Variants in POLE observed in about 807,000 individuals in gnomAD.
POLE encodes DNA polymerase epsilon, catalytic subunit.
A neutral mutation model predicts 279.2 loss-of-function variants in POLE; 188 were observed. The ratio of observed to expected loss-of-function variants is 0.67; its 90% CI spans 0.60 to 0.76. POLE has a LOEUF of 0.76. Ranked by LOEUF, POLE falls within the 30% of genes least tolerant of loss-of-function variation. POLE has a pLI of 0.00. For missense variants in POLE, 2,703 were observed against 3,016.7 expected (o/e 0.90, Z 2.44); for synonymous variants, 1,214 against 1,172.5 (o/e 1.04, Z -0.72).
chr12:132,631,434 A>C (rs921628750), intron 45 of POLE, among the ~76,000 whole-genome samples: 8 of 152,222 alleles, frequency 5.3e-5, no homozygotes, highest in African/African-American at 1.9e-4. Context: ...CCTTAATAAA[A>C]ATGAATTTAA....
At chr12:132,630,839 T>G (rs184754836) in intron 45 of POLE, among the ~76,000 whole-genome samples, 2 of 152,156 alleles carry the variant, frequency 1.3e-5, no homozygotes, top group African/African-American at 4.8e-5. Flanking sequence ...CAAGTCCTGG[T>G]GAGGATGTGG....
chr12:132,678,923 C>T (rs1371461197), intron 6 of POLE, among the ~76,000 whole-genome samples: 1 of 152,194 alleles, frequency 6.6e-6, no homozygotes, highest in African/African-American at 2.4e-5. Context: ...CCAGGGAAGG[C>T]GGACTCCGGG....
intron 45 of POLE, among the ~76,000 whole-genome samples, chr12:132,628,720 ACTCTTTAT>A (rs2041882662): frequency 6.6e-6 from 1 of 152,016 alleles, no homozygotes; most frequent in African/African-American, 2.4e-5. Context: ...ATGAAAAGCC[ACTCTTTAT>A]CTGTTAAATT....
At position 132,664,694 on chromosome 12, in the gene POLE, T is replaced by C. The variant is rs780199748; in HGVS notation, c.2469-232A>G. 1.2e-4 allele frequency among the ~76,000 whole-genome samples: 19 copies of C among 152,190 alleles called. No individual in the cohort carries two copies. Among genetic ancestry groups the C allele is most frequent in the Non-Finnish European group, 2.6e-4 (18 of 68,026 alleles). Reference sequence around the variant, plus strand: ...TCTGGAAGGGTGCAGTATGTGCCACTGCGTCCAGCCGTTCAGGACTCCAGC... The same window carrying C: ...TCTGGAAGGGTGCAGTATGTGCCACCGCGTCCAGCCGTTCAGGACTCCAGC... On this transcript the variant is annotated intron_variant, in intron 21 of 48. Transcript: ENST00000320574. This position sits in a 1 kb window ranked among gnomAD's most constrained non-coding sequence, Gnocchi z 5.3.
In POLE at chr12:132,673,233, G is replaced by T; in HGVS notation, c.1404C>A (p.Tyr468Ter). 6.2e-7 allele frequency: 1 copy of T among 1,613,750 alleles called. No individual in the cohort carries two copies. The highest frequency in any genetic ancestry group is 1.1e-5 in the South Asian group (1 of 91,078). The change falls in exon 14 of 49, where the codon TAC (tyrosine) becomes TAA (stop). Residue 468 changes from tyrosine to a stop codon, truncating the protein, a stop_gained. Coordinates refer to ENST00000320574, the MANE Select transcript of POLE (RefSeq NM_006231.4). LOFTEE classifies it high-confidence loss of function. ...YSVSDAVATY[Y>*]LYMKYVHPFI... ...ATGGGTGGACGTACTTCATGTACAG[G>T]TAGTAAGTGGCGACAGCATCTGACA...
chr12:132,673,443 A>G, intron 13 of POLE, 132 bp downstream of exon 13: 3 of 1,351,180 alleles, frequency 2.2e-6, no homozygotes, highest in Non-Finnish European at 3.1e-6. Context: ...TGCTGGGTGG[A>G]GCGGGCTGGC....
chr12:132,639,286 G>A lies in POLE; in HGVS notation c.5391C>T (p.Ser1797=). The A allele has an allele frequency of 6.2e-7, 1 of 1,613,904 alleles. No individual in the cohort carries two copies. The highest frequency in any genetic ancestry group is 8.5e-7 in the Non-Finnish European group (1 of 1,179,860). The change falls in exon 40 of 49, where the codon AGC becomes AGT. Residue 1797 remains serine (S), a synonymous_variant. Coordinates refer to ENST00000320574, the MANE Select transcript of POLE (RefSeq NM_006231.4). The surrounding 1 kb of genome is among the most constrained non-coding windows in gnomAD (Gnocchi z 4.7). ...LCSNTFRILK[S]MVVGWVKEIT... is the part of the protein sequence containing the mutation. ...TCTCCTTCACCCAGCCCACGACCAT[G>A]CTCTTCAGGATCCTGAAAGAGAAGG...
intron 46 of POLE, 168 bp from the exon 47 acceptor site, chr12:132,625,938 A>T: frequency 8.9e-7 from 1 of 1,128,810 alleles, no homozygotes; most frequent in Non-Finnish European, 1.3e-6. Flanking sequence ...AGCCCTTCCT[A>T]GGACAACATT....
rs2042100594 is a variant in POLE at position 132,639,575 on chromosome 12, C to T, written c.5379-277G>A. 6.6e-6 allele frequency among the ~76,000 whole-genome samples: 1 copy of T among 151,982 alleles called. No individual in the cohort carries two copies. Among genetic ancestry groups the T allele is most frequent in the African/African-American group, 2.4e-5 (1 of 41,324 alleles). On this transcript the variant is annotated intron_variant, in intron 39 of 48. Coordinates refer to ENST00000320574, the MANE Select transcript of POLE (RefSeq NM_006231.4). The surrounding 1 kb of genome is among the most constrained non-coding windows in gnomAD (Gnocchi z 4.7). ...TGTGTTCTAAAGCAGGACGGGAGGG[C>T]AGCACAGTACAAAGCAGCAAGTGTG...
intron 29 of POLE, among the ~76,000 whole-genome samples, chr12:132,653,060 T>G (rs2138633195): frequency 6.6e-6 from 1 of 152,332 alleles, no homozygotes; most frequent in Admixed American, 6.5e-5. Context: ...TTTTTGTTAC[T>G]TAGGTAAATT....
At chr12:132,637,581 T>G (rs1275551930) in intron 41 of POLE, among the ~76,000 whole-genome samples, 1 of 152,244 alleles carries the variant, frequency 6.6e-6, no homozygotes, top group African/African-American at 2.4e-5. Flanking sequence ...CACCAGGCTC[T>G]GACAGCTGAG....
rs1395419943 is a variant in POLE at position 132,664,531 on chromosome 12, G to A, written c.2469-69C>T. 5.3e-6 allele frequency: 6 copies of A among 1,132,080 alleles called. No individual in the cohort carries two copies. Among genetic ancestry groups the A allele is most frequent in the African/African-American group, 3.0e-5 (2 of 65,708 alleles). The allele number at this position is 1,132,080 out of a possible 1,614,324, so 70.1% of individuals were successfully genotyped here. A position where few individuals can be genotyped will look rare whatever the true frequency, so the allele number is the denominator to read the frequency against. On this transcript the variant is annotated intron_variant, in intron 21 of 48. Coordinates refer to ENST00000320574, the MANE Select transcript of POLE (RefSeq NM_006231.4). This position sits in a 1 kb window ranked among gnomAD's most constrained non-coding sequence, Gnocchi z 5.3. Reference sequence around the variant, plus strand: ...CTCCAGGGGGTATCAGAGGCAGTGAGGAGTAGGGAGGAGGAAAGGAGAGAT... The same window carrying A: ...CTCCAGGGGGTATCAGAGGCAGTGAAGAGTAGGGAGGAGGAAAGGAGAGAT...
chr12:132,648,171 A>C (rs1823305049), intron 32 of POLE, among the ~76,000 whole-genome samples: 1 of 152,148 alleles, frequency 6.6e-6, no homozygotes, highest in African/African-American at 2.4e-5. Flanking sequence ...CAGGTGGAAG[A>C]AGCCCAGCAC....
In POLE at chr12:132,673,431, C is replaced by A. The variant is rs5744776; in HGVS notation, c.1359+144G>T. 125,430 of 1,291,814 alleles carry A rather than the reference C, an allele frequency of 0.097. 6,833 individuals carry two copies. The highest frequency in any genetic ancestry group is 0.11 in the Non-Finnish European group (99,137 of 912,042). The allele number at this position is 1,291,814 out of a possible 1,614,324, so 80.0% of individuals were successfully genotyped here. ...AAACACGTGTGTCCCGGAGACACAG[C>A]CTGCTGGGTGGAGCGGGCTGGCATA... On this transcript the variant is annotated intron_variant, in intron 13 of 48. Coordinates refer to ENST00000320574, the MANE Select transcript of POLE (RefSeq NM_006231.4).
At chr12:132,644,323 CTTTT>C (rs57257940) in intron 32 of POLE, among the ~76,000 whole-genome samples, 4 of 107,706 alleles carry the variant, frequency 3.7e-5, no homozygotes, top group Non-Finnish European at 7.4e-5. Flanking sequence ...CCACGGATGG[CTTTT>C]TTTTTTTTTT....
chr12:132,686,472 C>T (rs942482415), intron 1 of POLE, among the ~76,000 whole-genome samples: 22 of 151,968 alleles, frequency 1.4e-4, no homozygotes, highest in African/African-American at 5.1e-4. Flanking sequence ...CGGAGTCTCA[C>T]GTCTGTAATC....
intron 13 of POLE, 60 bp from the exon 14 acceptor site, chr12:132,673,337 G>A: frequency 7.7e-7 from 1 of 1,296,710 alleles, no homozygotes; most frequent in South Asian, 1.2e-5. Flanking sequence ...GGTCAAGTGT[G>A]AAGCACAGAA....
chr12:132,681,545 G>A (rs774598607), intron 1 of POLE, among the ~76,000 whole-genome samples: 14 of 151,922 alleles, frequency 9.2e-5, no homozygotes, highest in Non-Finnish European at 1.5e-4. Context: ...GGGTTTCACC[G>A]TGTTAGCCAG....
chr12:132,641,499 T>C (rs1381994437), intron 39 of POLE, 148 bp downstream of exon 39: 1 of 682,424 alleles, frequency 1.5e-6, no homozygotes, highest in South Asian at 1.8e-5. Flanking sequence ...CAATAGACTA[T>C]GGAAAACTCG....
Sources: allele counts gnomAD v4.1 joint callset (sites outside exome capture counted in the v4.1 genomes callset), GRCh38; gene constraint gnomAD v4.1.1; non-coding constraint Gnocchi (gnomAD v3.1); transcripts MANE v1.5; gene names NCBI Gene and HGNC (gene_info 2026-07-23, HGNC 2026-07-21).